PABPC4L: variants seen among roughly 807,000 people sequenced by gnomAD.
PABPC4L encodes the protein poly(A) binding protein cytoplasmic 4 like.
For missense variants in PABPC4L, 452 were observed against 451.4 expected (o/e 1.00, Z -0.01); for synonymous variants, 169 against 164.1 (o/e 1.03, Z -0.23).
the PABPC4L span, among the ~76,000 whole-genome samples, chr4:134,024,811 C>CT: frequency 0.013 from 1,635 of 124,288 alleles, 22 homozygotes; most frequent in African/African-American, 0.039. Flanking sequence ...AATAAACTAG[C>CT]TTTTTTTTTT....
the PABPC4L span, among the ~76,000 whole-genome samples, chr4:134,057,903 G>A: frequency 1.3e-5 from 2 of 151,954 alleles, no homozygotes; most frequent in African/African-American, 4.8e-5. Context: ...CTTTCTGGAA[G>A]CAAAGTAGCT....
At chr4:134,157,571 T>C in the PABPC4L span, among the ~76,000 whole-genome samples, 1 of 151,828 alleles carries the variant, frequency 6.6e-6, no homozygotes, top group African/African-American at 2.4e-5. Flanking sequence ...ACTATTGGCA[T>C]AAAAATTAAT....
chr4:134,120,429 C>G, the PABPC4L span, among the ~76,000 whole-genome samples: 1 of 148,534 alleles, frequency 6.7e-6, no homozygotes, highest in African/African-American at 2.5e-5. Context: ...TTTTAATATT[C>G]ATTTATATTT....
chr4:134,145,071 G>A, the PABPC4L span, among the ~76,000 whole-genome samples: 1 of 151,692 alleles, frequency 6.6e-6, no homozygotes, highest in African/African-American at 2.4e-5. Flanking sequence ...TAAATTGCTT[G>A]GTCTTTCCTG....
chr4:133,979,644 T>C, the PABPC4L span, among the ~76,000 whole-genome samples: 1 of 152,146 alleles, frequency 6.6e-6, no homozygotes, highest in Non-Finnish European at 1.5e-5. Context: ...ACAGGTCCTC[T>C]CACATTTACC....
chr4:134,097,164 C>T, the PABPC4L span, among the ~76,000 whole-genome samples: 2 of 151,756 alleles, frequency 1.3e-5, no homozygotes, highest in Admixed American at 1.3e-4. Context: ...CAAATTTTGC[C>T]TATTAGTTAA....
chr4:133,982,145 G>T, the PABPC4L span, among the ~76,000 whole-genome samples: 1 of 152,008 alleles, frequency 6.6e-6, no homozygotes, highest in African/African-American at 2.4e-5. Context: ...CTATAAAAAC[G>T]TAATGGAAAG....
the PABPC4L span, among the ~76,000 whole-genome samples, chr4:133,964,555 T>C: frequency 1.3e-5 from 2 of 151,960 alleles, no homozygotes; most frequent in Non-Finnish European, 2.9e-5. Context: ...TAAACATCAA[T>C]GCTAAAATCC....
At chr4:134,122,875 T>A in the PABPC4L span, among the ~76,000 whole-genome samples, 1 of 151,970 alleles carries the variant, frequency 6.6e-6, no homozygotes, top group African/African-American at 2.4e-5. Flanking sequence ...ACATCACATA[T>A]TTATATATAC....
the PABPC4L span, among the ~76,000 whole-genome samples, chr4:134,101,429 C>G: frequency 5.0e-4 from 76 of 151,180 alleles, no homozygotes; most frequent in Non-Finnish European, 4.4e-5. Flanking sequence ...TTCTGCTTTC[C>G]AACATAAATT....
At position 134,198,943 on chromosome 4, in the gene PABPC4L, A is replaced by T. The variant is rs1729753621; in HGVS notation, c.*964T>A. 2 of 152,134 alleles carry T rather than the reference A, an allele frequency of 1.3e-5. No individual in the cohort carries two copies. The highest frequency in any genetic ancestry group is 3.9e-4 in the East Asian group (2 of 5,172). The allele number at this position is 152,134 out of a possible 1,614,324, so 9.4% of individuals were successfully genotyped here. ...ATAAAAGGAGATGTGAGTACATAAA[A>T]ATAGAGGAACTTACTTTTCTGAACC... On this transcript the variant is annotated 3_prime_UTR_variant, in exon 2 of 2. Coordinates refer to ENST00000421491, the MANE Select transcript of PABPC4L (RefSeq NM_001114734.2).
At chr4:134,068,084 C>G in the PABPC4L span, among the ~76,000 whole-genome samples, 74,557 of 151,926 alleles carry the variant, frequency 0.49, 19,268 homozygotes, top group East Asian at 0.93. Flanking sequence ...TGTTAATTTT[C>G]TGTTTTGATG....
the PABPC4L span, among the ~76,000 whole-genome samples, chr4:134,058,980 T>C: frequency 1.3e-5 from 2 of 152,070 alleles, no homozygotes; most frequent in African/African-American, 4.8e-5. Flanking sequence ...AAAAATCAAA[T>C]TGAACTGCAA....
the PABPC4L span, among the ~76,000 whole-genome samples, chr4:134,032,882 C>T: frequency 6.6e-6 from 1 of 151,926 alleles, no homozygotes; most frequent in South Asian, 2.1e-4. Flanking sequence ...GTGACCATTA[C>T]TGTCGTGTAC....
the PABPC4L span, among the ~76,000 whole-genome samples, chr4:134,063,516 C>T: frequency 6.6e-6 from 1 of 151,796 alleles, no homozygotes. Context: ...AGTATAAAGA[C>T]AATTAAAGTA....
chr4:134,063,530 AG>A, the PABPC4L span, among the ~76,000 whole-genome samples: 3 of 152,194 alleles, frequency 2.0e-5, no homozygotes, highest in Middle Eastern at 6.8e-3. Flanking sequence ...TAAAGTAACA[AG>A]ATTTGAAATA....
At chr4:134,059,812 C>T in the PABPC4L span, among the ~76,000 whole-genome samples, 1,161 of 152,066 alleles carry the variant, frequency 7.6e-3, 15 homozygotes, top group African/African-American at 0.026. Context: ...AAGCCTCCAA[C>T]GAATCATCTC....
downstream of PABPC4L, among the ~76,000 whole-genome samples, chr4:134,193,227 G>A (rs1028007315): frequency 1.3e-5 from 2 of 151,528 alleles, no homozygotes; most frequent in African/African-American, 2.4e-5. Flanking sequence ...TCTTTTTAAA[G>A]AGTTGAAACT....
At chr4:133,978,196 A>G in the PABPC4L span, among the ~76,000 whole-genome samples, 1 of 152,218 alleles carries the variant, frequency 6.6e-6, no homozygotes, top group Non-Finnish European at 1.5e-5. Flanking sequence ...TATATGTTCC[A>G]GATAACTCAA....
Sources: gnomAD v4.1 joint callset for allele counts (sites outside exome capture counted in the v4.1 genomes callset) on GRCh38, gnomAD v4.1.1 for gene constraint, MANE v1.5 for transcripts, NCBI Gene and HGNC (gene_info 2026-07-23, HGNC 2026-07-21) for gene names.